The following SNTG1 variants were observed in gnomAD, a reference collection of about 807,000 sequenced individuals.
The protein encoded by SNTG1 is gamma-1-syntrophin.
A neutral mutation model predicts 74.7 loss-of-function variants in SNTG1; 39 were observed. That is an observed-to-expected ratio of 0.52 (90% confidence interval 0.40 to 0.68). SNTG1 has a LOEUF of 0.68. Ranked by LOEUF, SNTG1 falls within the 30% of genes least tolerant of loss-of-function variation. The probability of loss-of-function intolerance (pLI) is 0.00; values close to 1 mark genes in which losing one functional copy is unlikely to be tolerated. For synonymous variants in SNTG1, 254 were observed against 217.1 expected (o/e 1.17, Z -1.49); for missense variants, 685 against 609.5 (o/e 1.12, Z -1.30).
chr8:50,615,310 GA>G (rs986589490), intron 13 of SNTG1, among the ~76,000 whole-genome samples: 1 of 151,950 alleles, frequency 6.6e-6, no homozygotes, highest in African/African-American at 2.4e-5. Flanking sequence ...TTTCTTAGAA[GA>G]AAAAAAGTAT....
chr8:50,014,695 A>G (rs1816146314), intron 1 of SNTG1, among the ~76,000 whole-genome samples: 1 of 152,136 alleles, frequency 6.6e-6, no homozygotes, highest in Non-Finnish European at 1.5e-5. Context: ...CAAGCAATGT[A>G]GGGAAAACTT....
At chr8:50,511,516 G>A (rs1042144075) in intron 9 of SNTG1, among the ~76,000 whole-genome samples, 3 of 152,188 alleles carry the variant, frequency 2.0e-5, no homozygotes, top group Admixed American at 2.0e-4. Flanking sequence ...ACAGCGTAGT[G>A]TTAAAGTCTC....
intron 18 of SNTG1, among the ~76,000 whole-genome samples, chr8:50,770,449 C>G (rs192084721): frequency 2.0e-5 from 3 of 152,014 alleles, no homozygotes; most frequent in South Asian, 2.1e-4. Context: ...ACTGTGACCT[C>G]GAAAATATGC....
chr8:50,634,073 G>C (rs1179916100), intron 13 of SNTG1, among the ~76,000 whole-genome samples: 2 of 152,148 alleles, frequency 1.3e-5, no homozygotes, highest in African/African-American at 4.8e-5. Flanking sequence ...GTGTCCACTG[G>C]GCTGCCGCAG....
In SNTG1 at chr8:50,535,309, C is replaced by T. The variant is rs184420740; in HGVS notation, c.550-1369C>T. On this transcript the variant is annotated intron_variant, in intron 10 of 18. Coordinates refer to ENST00000642720, the MANE Select transcript of SNTG1 (RefSeq NM_018967.5). ...TAAGTGTTCTGATTCTGACTTGCAG[C>T]TTAAGACCTCGCCACCTTGTACTAT... Among the ~76,000 whole-genome samples the T allele has an allele frequency of 2.3e-3, 355 of 152,274 alleles. 1 individual carries two copies. The highest frequency in any genetic ancestry group is 0.01 in the Middle Eastern group (3 of 294).
At chr8:50,717,980 A>G (rs1306814972) in intron 17 of SNTG1, among the ~76,000 whole-genome samples, 1 of 152,164 alleles carries the variant, frequency 6.6e-6, no homozygotes, top group Non-Finnish European at 1.5e-5. Context: ...AATGTCTGTT[A>G]CATTTCAGTC....
intron 1 of SNTG1, among the ~76,000 whole-genome samples, chr8:49,985,723 G>A (rs1325627641): frequency 1.3e-5 from 2 of 152,066 alleles, no homozygotes; most frequent in Non-Finnish European, 2.9e-5. Context: ...CAGAAGGGAT[G>A]GTTTTCTTCA....
At chr8:50,294,985 A>T (rs1221296692) in intron 2 of SNTG1, among the ~76,000 whole-genome samples, 1 of 152,190 alleles carries the variant, frequency 6.6e-6, no homozygotes, top group African/African-American at 2.4e-5. Context: ...CAGTCAACAG[A>T]TACAGGCTGA....
chr8:50,735,276 G>T (rs534718404), intron 17 of SNTG1, among the ~76,000 whole-genome samples: 31 of 151,712 alleles, frequency 2.0e-4, no homozygotes, highest in African/African-American at 6.8e-4. Flanking sequence ...GCAAATGATA[G>T]CCAAAGAAAA....
At chr8:50,258,119 A>G (rs534147406) in intron 2 of SNTG1, among the ~76,000 whole-genome samples, 141 of 152,340 alleles carry the variant, frequency 9.3e-4, no homozygotes, top group Non-Finnish European at 1.7e-3. Context: ...ATGAAACAAC[A>G]GCAGCAGCAA....
At chr8:50,149,068 C>T (rs534967896) in intron 1 of SNTG1, among the ~76,000 whole-genome samples, 89 of 152,268 alleles carry the variant, frequency 5.8e-4, no homozygotes, top group African/African-American at 2.0e-3. Context: ...CTGTAGTTTC[C>T]TGACTCTTTA....
intron 1 of SNTG1, among the ~76,000 whole-genome samples, chr8:50,041,698 C>G (rs1231424356): frequency 6.6e-6 from 1 of 152,152 alleles, no homozygotes; most frequent in Non-Finnish European, 1.5e-5. Context: ...AGTTGAAAAG[C>G]GACAACATCC....
chr8:50,791,029 T>G (rs958149998), intron 18 of SNTG1, among the ~76,000 whole-genome samples: 13 of 151,992 alleles, frequency 8.6e-5, no homozygotes, highest in African/African-American at 3.1e-4. Context: ...TGTTTTATTT[T>G]TTAATAACAT....
At chr8:50,209,737 G>C (rs991370203) in intron 2 of SNTG1, among the ~76,000 whole-genome samples, 15 of 152,182 alleles carry the variant, frequency 9.9e-5, no homozygotes, top group African/African-American at 3.6e-4. Context: ...CATCATCAAA[G>C]ACCAAAGGTA....
intron 18 of SNTG1, among the ~76,000 whole-genome samples, chr8:50,759,428 G>A (rs756652526): frequency 1.3e-5 from 2 of 151,754 alleles, no homozygotes; most frequent in African/African-American, 4.8e-5. Context: ...TCTTCTAGGG[G>A]TTTTATGGTT....
intron 1 of SNTG1, among the ~76,000 whole-genome samples, chr8:49,998,575 G>T: frequency 7.2e-6 from 1 of 138,636 alleles, no homozygotes; most frequent in African/African-American, 2.9e-5. Context: ...TAAGCATTTT[G>T]TTAAAAATTA....
intron 6 of SNTG1, 54 bp from the exon 7 acceptor site, chr8:50,450,502 A>T: frequency 6.4e-7 from 1 of 1,570,350 alleles, no homozygotes; most frequent in Non-Finnish European, 8.7e-7. Flanking sequence ...AAGTCCTTTC[A>T]TCTGCATAAC....
chr8:49,965,275 G>T (rs1044940829), intron 1 of SNTG1, among the ~76,000 whole-genome samples: 2 of 152,172 alleles, frequency 1.3e-5, no homozygotes, highest in Admixed American at 1.3e-4. Context: ...ATCTAGTACA[G>T]AAGGAGGCAC....
chr8:50,523,123 C>T (rs960403347), intron 9 of SNTG1, among the ~76,000 whole-genome samples: 7 of 151,968 alleles, frequency 4.6e-5, no homozygotes, highest in African/African-American at 1.7e-4. Flanking sequence ...TTTTTCTGTA[C>T]CTTCCTCACC....
Sources: gnomAD v4.1 joint callset for allele counts (sites outside exome capture counted in the v4.1 genomes callset) on GRCh38, gnomAD v4.1.1 for gene constraint, MANE v1.5 for transcripts, NCBI Gene and HGNC (gene_info 2026-07-23, HGNC 2026-07-21) for gene names.